The following TLL1 variants were observed in gnomAD, a reference collection of about 807,000 sequenced individuals.
TLL1 encodes tolloid-like protein 1.
TLL1 carries 49 observed loss-of-function variants against 128.2 expected under a neutral mutation model. The observed-to-expected ratio is 0.38, with a 90% CI of 0.30 to 0.48. TLL1 has a LOEUF of 0.48. Ranked by LOEUF, TLL1 falls within the 20% of genes least tolerant of loss-of-function variation. The probability of loss-of-function intolerance (pLI) is 0.96; values close to 1 mark genes in which losing one functional copy is unlikely to be tolerated. For missense variants in TLL1, 1,123 were observed against 1,242.0 expected (o/e 0.90, Z 1.44); for synonymous variants, 454 against 418.8 (o/e 1.08, Z -1.03).
intron 19 of TLL1, among the ~76,000 whole-genome samples, chr4:166,096,210 G>GTGT (rs1742010374): frequency 6.9e-6 from 1 of 145,480 alleles, no homozygotes; most frequent in African/African-American, 2.5e-5. Context: ...TTCTGTCATG[G>GTGT]GTGTGTGTGT....
At chr4:166,060,365 A>T (rs1740250237) in intron 15 of TLL1, among the ~76,000 whole-genome samples, 177 bp downstream of exon 15, 1 of 152,108 alleles carries the variant, frequency 6.6e-6, no homozygotes, top group South Asian at 2.1e-4. Flanking sequence ...ATGATACTTT[A>T]GACTCTTTCT....
At chr4:166,088,333 C>T (rs939266789) in intron 18 of TLL1, among the ~76,000 whole-genome samples, 6 of 152,088 alleles carry the variant, frequency 3.9e-5, no homozygotes, top group African/African-American at 9.7e-5. Flanking sequence ...CATATCACAC[C>T]TTGTCATCAT....
At chr4:165,955,082 A>G (rs1734717824) in intron 1 of TLL1, among the ~76,000 whole-genome samples, 1 of 152,168 alleles carries the variant, frequency 6.6e-6, no homozygotes, top group Non-Finnish European at 1.5e-5. Context: ...AGAAAAAACC[A>G]GTTGAACTCT....
chr4:165,885,536 C>CA (rs2110819837), intron 1 of TLL1, among the ~76,000 whole-genome samples: 1 of 152,168 alleles, frequency 6.6e-6, no homozygotes, highest in African/African-American at 2.4e-5. Context: ...GCCCCGAAAG[C>CA]AATCAATGCC....
chr4:166,043,264 C>G lies in TLL1; in HGVS notation c.1379-10C>G. ...GCTTAGTTATTTGTTTATTTTTTGGCTTTCTTCAGCGATCTGTGGAGGTGA... is the reference window on the plus strand; with the variant it reads ...GCTTAGTTATTTGTTTATTTTTTGGGTTTCTTCAGCGATCTGTGGAGGTGA... On this transcript the variant is annotated splice_polypyrimidine_tract_variant and intron_variant, in intron 11 of 20. Coordinates refer to ENST00000061240, the MANE Select transcript of TLL1 (RefSeq NM_012464.5). The G allele has an allele frequency of 6.2e-7, 1 of 1,613,926 alleles. No homozygotes were observed. Among genetic ancestry groups the G allele is most frequent in the Non-Finnish European group, 8.5e-7 (1 of 1,179,922 alleles).
intron 10 of TLL1, 121 bp downstream of exon 10, chr4:166,039,562 T>A (rs1248580507): frequency 9.6e-6 from 7 of 725,998 alleles, no homozygotes; most frequent in South Asian, 9.4e-5. Context: ...ATTATTTTTA[T>A]GTTAGTTATA....
At chr4:166,036,567 C>A (rs963739659) in intron 9 of TLL1, among the ~76,000 whole-genome samples, 1 of 152,084 alleles carries the variant, frequency 6.6e-6, no homozygotes, top group Non-Finnish European at 1.5e-5. Context: ...AAGTACGAAT[C>A]CTGCTAGCAA....
chr4:166,035,998 T>C (rs991099554), intron 9 of TLL1, among the ~76,000 whole-genome samples: 7 of 152,214 alleles, frequency 4.6e-5, no homozygotes, highest in African/African-American at 2.4e-5. Flanking sequence ...GGCTATAGCA[T>C]AGCAATCTAG....
chr4:165,940,326 A>G (rs140065106), intron 1 of TLL1, among the ~76,000 whole-genome samples: 3 of 152,072 alleles, frequency 2.0e-5, no homozygotes, highest in African/African-American at 7.2e-5. Context: ...CCATTCCATC[A>G]CTGCTGCTTG....
At chr4:166,065,096 TA>T (rs1344245164) in intron 15 of TLL1, among the ~76,000 whole-genome samples, 4 of 152,102 alleles carry the variant, frequency 2.6e-5, no homozygotes, top group Non-Finnish European at 2.9e-5. Context: ...GTATATTATA[TA>T]TAAATCAGAA....
At chr4:165,917,218 A>G (rs1407725896) in intron 1 of TLL1, among the ~76,000 whole-genome samples, 3 of 152,138 alleles carry the variant, frequency 2.0e-5, no homozygotes, top group Admixed American at 6.6e-5. Context: ...AAATTGAAAA[A>G]AAAATCGCCT....
Position 166,043,351 on chromosome 4 carries a change from A to G in TLL1, c.1456A>G (p.Lys486Glu), listed in dbSNP as rs757440024. Reference sequence around the variant, plus strand: ...TTATCCTGATGACTATCGCCCGATGAAAGAATGTGTGTGGAAAATAACAGT... The same window carrying G: ...TTATCCTGATGACTATCGCCCGATGGAAGAATGTGTGTGGAAAATAACAGT... ...PNYPDDYRPMKECVWKITVSE... is the reference protein window; with the variant it reads ...PNYPDDYRPMEECVWKITVSE... Residue 486 changes from lysine (K) to glutamate (E), a missense_variant, in exon 12 of 21, where the codon AAA becomes GAA. Lys to Glu is a moderately conservative substitution (Grantham distance 56, BLOSUM62 1). Around this residue, in one of 3 missense-constraint regions of TLL1, gnomAD observed 634 missense variants for 672.4 expected, o/e 0.94. Transcript: ENST00000061240. 4 of 1,614,040 alleles carry G rather than the reference A, an allele frequency of 2.5e-6. No individual in the cohort carries two copies. Among genetic ancestry groups the G allele is most frequent in the South Asian group, 2.2e-5 (2 of 91,094 alleles).
intron 12 of TLL1, among the ~76,000 whole-genome samples, chr4:166,046,779 C>T (rs139494796): frequency 0.015 from 2,284 of 152,178 alleles, 56 homozygotes; most frequent in African/African-American, 0.05. Context: ...CAGAAACGCA[C>T]AAAACAAAAT....
intron 1 of TLL1, among the ~76,000 whole-genome samples, chr4:165,901,551 T>C (rs1731988601): frequency 6.6e-6 from 1 of 152,214 alleles, no homozygotes. Context: ...CAGACCCTGT[T>C]TGCCTGAGTA....
Position 166,026,757 on chromosome 4 carries a change from G to A in TLL1, c.1158+1326G>A, listed in dbSNP as rs1027468850. 2.0e-5 allele frequency among the ~76,000 whole-genome samples: 3 copies of A among 151,330 alleles called. 1 individual carries two copies. The South Asian group carries it at 6.2e-4, about 31-fold the overall frequency. ...AACATGTCTGATCAAGAAAGATGAA[G>A]AATAATAGAGAAAGCACAATTATCT... On this transcript the variant is annotated intron_variant, in intron 9 of 20. Transcript: ENST00000061240.
rs914943696 is a variant in TLL1 at position 165,896,483 on chromosome 4, T to C, written c.169+22410T>C. Among the ~76,000 whole-genome samples, 230 of 147,458 alleles carry C rather than the reference T, an allele frequency of 1.6e-3. 1 individual carries two copies. Among genetic ancestry groups the C allele is most frequent in the African/African-American group, 5.1e-3 (204 of 39,932 alleles). On this transcript the variant is annotated intron_variant, in intron 1 of 20. Coordinates refer to ENST00000061240, the MANE Select transcript of TLL1 (RefSeq NM_012464.5). Reference sequence around the variant, plus strand: ...TTGCTGGGTCAAATGGTATTTCTTTTTTTTTTTTTTTTTTTTTCAGACCGA... The same window carrying C: ...TTGCTGGGTCAAATGGTATTTCTTTCTTTTTTTTTTTTTTTTTCAGACCGA...
intron 1 of TLL1, among the ~76,000 whole-genome samples, chr4:165,966,574 C>T (rs928604534): frequency 2.6e-5 from 4 of 152,064 alleles, no homozygotes; most frequent in East Asian, 1.9e-4. Context: ...CCCTAAGTGT[C>T]GGCTGGTCTG....
At chr4:165,956,844 C>T (rs911681317) in intron 1 of TLL1, among the ~76,000 whole-genome samples, 5 of 152,022 alleles carry the variant, frequency 3.3e-5, no homozygotes, top group African/African-American at 1.2e-4. Context: ...TCTGCTGTGG[C>T]TCCAGCCGGT....
chr4:166,063,030 T>G (rs539880297), intron 15 of TLL1, among the ~76,000 whole-genome samples: 2 of 152,194 alleles, frequency 1.3e-5, no homozygotes, highest in African/African-American at 4.8e-5. Context: ...TTTATTGATT[T>G]GCTAACATCA....
Sources: gnomAD v4.1 joint callset for allele counts (sites outside exome capture counted in the v4.1 genomes callset) on GRCh38, gnomAD v4.1.1 for gene constraint, gnomAD v4.1.1 regional missense constraint, MANE v1.5 for transcripts, NCBI Gene and HGNC (gene_info 2026-07-23, HGNC 2026-07-21) for gene names.